KCNT1: variants seen among roughly 807,000 people sequenced by gnomAD.
The protein encoded by KCNT1 is potassium sodium-activated channel subfamily T member 1.
A neutral mutation model predicts 147.8 loss-of-function variants in KCNT1; 78 were observed. That is an observed-to-expected ratio of 0.53 (90% CI 0.44 to 0.64). The LOEUF (loss-of-function observed/expected upper bound fraction) is 0.64, where lower values mean the gene tolerates loss of function less well. KCNT1 is among the 30% of genes least tolerant of loss of function. The pLI is 0.00. For missense variants in KCNT1, 1,419 were observed against 1,750.3 expected (o/e 0.81, Z 3.38); for synonymous variants, 867 against 748.8 (o/e 1.16, Z -2.58).
chr9:135,756,042 G>GGACCCAGGCTCAGTGAGCACTGAGGACA (rs1831462104), intron 6 of KCNT1, among the ~76,000 whole-genome samples: 1 of 140,484 alleles, frequency 7.1e-6, no homozygotes, highest in African/African-American at 2.7e-5. Flanking sequence ...AGTAAACAGG[G>GGACCCAGGCTCAGTGAGCACTGAGGACA]GACCCAGGCT....
chr9:135,728,623 C>T (rs1237592564), intron 2 of KCNT1, among the ~76,000 whole-genome samples: 3 of 152,290 alleles, frequency 2.0e-5, no homozygotes, highest in East Asian at 1.9e-4. Flanking sequence ...GGCAGAGAGC[C>T]GGGGGCCGGA....
At position 135,778,834 on chromosome 9, in the gene KCNT1, G is replaced by A. The variant is rs370095406; in HGVS notation, c.2729+12G>A. 1 of 1,612,978 alleles carries A rather than the reference G, an allele frequency of 6.2e-7. No homozygotes were observed. Among genetic ancestry groups the A allele is most frequent in the Non-Finnish European group, 8.5e-7 (1 of 1,179,648 alleles). On this transcript the variant is annotated intron_variant, in intron 23 of 30. Coordinates refer to ENST00000371757, the MANE Select transcript of KCNT1 (RefSeq NM_020822.3). ...CAGACCATGTTCCGGTGCGTCCAGT[G>A]TCCGGGGCTCGGCTCTAAACCACCC...
intron 28 of KCNT1, chr9:135,785,812 T>C (rs1234284676): frequency 9.8e-6 from 4 of 408,676 alleles, no homozygotes; most frequent in Non-Finnish European, 1.8e-5. Context: ...GATGGAGAAA[T>C]TGACACGCAG....
intron 2 of KCNT1, among the ~76,000 whole-genome samples, chr9:135,726,450 TGGCCAG>T (rs1242747153): frequency 6.6e-6 from 1 of 152,068 alleles, no homozygotes; most frequent in East Asian, 1.9e-4. Context: ...GCTCGCCATG[TGGCCAG>T]GGCCGCATCT....
chr9:135,731,991 T>TATATAGAG (rs1276318460), intron 2 of KCNT1, among the ~76,000 whole-genome samples: 33 of 21,698 alleles, frequency 1.5e-3, no homozygotes, highest in Admixed American at 3.5e-3. Flanking sequence ...TATATATATA[T>TATATAGAG]AGAGAGAGAG....
chr9:135,781,780 A>C (rs1211860510), intron 24 of KCNT1, among the ~76,000 whole-genome samples: 1 of 152,170 alleles, frequency 6.6e-6, no homozygotes, highest in East Asian at 1.9e-4. Context: ...GATGGCATAC[A>C]CGACCGTCAG....
intron 29 of KCNT1, 92 bp from the exon 30 acceptor site, chr9:135,791,705 C>A: frequency 9.1e-7 from 1 of 1,092,960 alleles, no homozygotes. Flanking sequence ...AAAGACTCAG[C>A]TCATCCTGGA....
chr9:135,722,701 G>C (rs1481650503), intron 2 of KCNT1, among the ~76,000 whole-genome samples: 1 of 152,208 alleles, frequency 6.6e-6, no homozygotes, highest in Non-Finnish European at 1.5e-5. Context: ...GCATCTCTCA[G>C]GCTTGCACGT....
At chr9:135,751,931 C>T (rs1831200257) in intron 4 of KCNT1, 1 of 170,564 alleles carries the variant, frequency 5.9e-6, no homozygotes, top group African/African-American at 2.4e-5. Context: ...TCCAGAAATC[C>T]TTTCTCTGAA....
chr9:135,788,782 C>T (rs914908445), intron 29 of KCNT1, among the ~76,000 whole-genome samples: 31 of 152,320 alleles, frequency 2.0e-4, no homozygotes, highest in African/African-American at 7.0e-4. Context: ...AGCCGCTCCA[C>T]ACCCCGTTTC....
chr9:135,764,563 C>CCCAGAGCTTGCATCTGGGGAGCATGA (rs1353077806), intron 11 of KCNT1, among the ~76,000 whole-genome samples: 1 of 152,194 alleles, frequency 6.6e-6, no homozygotes, highest in African/African-American at 2.4e-5. Context: ...AGTCTCAACA[C>CCCAGAGCTTGCATCTGGGGAGCATGA]CCAGAGCTTG....
chr9:135,706,623 G>A (rs192084479), intron 1 of KCNT1, among the ~76,000 whole-genome samples: 1 of 152,238 alleles, frequency 6.6e-6, no homozygotes, highest in Non-Finnish European at 1.5e-5. Context: ...CTCCACAAGA[G>A]GGGCAAAGAG....
intron 13 of KCNT1, among the ~76,000 whole-genome samples, chr9:135,766,276 ATCTAGGGTAGACTG>A: frequency 6.9e-6 from 1 of 145,970 alleles, no homozygotes; most frequent in African/African-American, 2.6e-5. Flanking sequence ...GGGGTGGACC[ATCTAGGGTAGACTG>A]TCCAGGGTGG....
intron 2 of KCNT1, among the ~76,000 whole-genome samples, chr9:135,734,466 A>G (rs113418151): frequency 6.6e-6 from 1 of 152,190 alleles, no homozygotes; most frequent in Non-Finnish European, 1.5e-5. Context: ...TTCAAAATAA[A>G]TCAAACTTCA....
intron 9 of KCNT1, among the ~76,000 whole-genome samples, chr9:135,758,037 G>T (rs1362407055): frequency 7.8e-6 from 1 of 128,650 alleles, no homozygotes; most frequent in Non-Finnish European, 1.7e-5. Flanking sequence ...CAGAGGGGGT[G>T]CCCTACCCAG....
intron 21 of KCNT1, 87 bp downstream of exon 21, chr9:135,777,597 C>T (rs1833260422): frequency 7.4e-7 from 1 of 1,343,242 alleles, no homozygotes; most frequent in Non-Finnish European, 1.0e-6. Context: ...CCACCCTTCG[C>T]CTTTGCAGAG....
chr9:135,709,269 G>A (rs1292814029), intron 1 of KCNT1, among the ~76,000 whole-genome samples: 11 of 152,190 alleles, frequency 7.2e-5, no homozygotes, highest in Admixed American at 7.2e-4. Flanking sequence ...ATCCACACGG[G>A]CTCACGCAGG....
At chr9:135,712,968 A>T (rs1053822766) in intron 1 of KCNT1, among the ~76,000 whole-genome samples, 3 of 152,156 alleles carry the variant, frequency 2.0e-5, no homozygotes, top group Non-Finnish European at 4.4e-5. Flanking sequence ...CTCCTGGTGC[A>T]CTTCCTTCCC....
chr9:135,756,818 G>A, intron 6 of KCNT1, 55 bp from the exon 7 acceptor site: 2 of 1,496,782 alleles, frequency 1.3e-6, no homozygotes, highest in Non-Finnish European at 1.9e-6. Context: ...GTGGGGTCAG[G>A]CCCCAGCCCC....
Sources: allele counts gnomAD v4.1 joint callset (sites outside exome capture counted in the v4.1 genomes callset), GRCh38; gene constraint gnomAD v4.1.1; transcripts MANE v1.5; gene names NCBI Gene and HGNC (gene_info 2026-07-23, HGNC 2026-07-21).